XKR3: variants seen among roughly 807,000 people sequenced by gnomAD.
XKR3 encodes the protein XK related 3, also known as XK-related protein 3.
A neutral mutation model predicts 40.3 loss-of-function variants in XKR3; 27 were observed. The observed-to-expected ratio is 0.67, with a 90% CI of 0.49 to 0.92. The LOEUF (loss-of-function observed/expected upper bound fraction) is 0.92. Ranked by LOEUF, XKR3 falls within the 40% of genes least tolerant of loss-of-function variation. The pLI is 0.00. For missense variants in XKR3, 472 were observed against 537.6 expected (o/e 0.88, Z 1.21); for synonymous variants, 193 against 195.4 (o/e 0.99, Z 0.10).
At chr22:16,802,077 CT>C (rs1479009692) in intron 2 of XKR3, among the ~76,000 whole-genome samples, 1 of 152,156 alleles carries the variant, frequency 6.6e-6, no homozygotes, top group African/African-American at 2.4e-5. Context: ...TTGTACCTCT[CT>C]CTCACCACAT....
intron 1 of XKR3, among the ~76,000 whole-genome samples, chr22:16,811,933 C>T (rs1212994602): frequency 1.2e-4 from 18 of 152,040 alleles, no homozygotes; most frequent in Admixed American, 5.9e-4. Context: ...GGTGTGAACC[C>T]GGGAGGCAGA....
rs1284778875 is a variant in XKR3, at chr22:16,786,253, CGT to C, written c.590-1846_590-1845del. Among the ~76,000 whole-genome samples, 365 of 139,840 alleles carry C rather than the reference CGT, an allele frequency of 2.6e-3. 2 individuals are homozygous for C. The highest frequency in any genetic ancestry group is 9.4e-3 in the East Asian group (43 of 4,594). The allele number at this position is 139,840 out of a possible 152,430, so 91.7% of individuals were successfully genotyped here. Reference sequence around the variant, plus strand: ...GGTGAAAACCTGTATCTACAAAACGCGTGCACACACACACACACACAAATACA... The same window carrying C: ...GGTGAAAACCTGTATCTACAAAACGCGCACACACACACACACACAAATACA... On this transcript the variant is annotated intron_variant, in intron 3 of 3. Transcript: ENST00000684488.
intron 3 of XKR3, among the ~76,000 whole-genome samples, chr22:16,794,797 C>T (rs1199806823): frequency 6.6e-6 from 1 of 152,144 alleles, no homozygotes; most frequent in Non-Finnish European, 1.5e-5. Flanking sequence ...ATCTCACATC[C>T]AATGACACCT....
At position 16,799,774 on chromosome 22, in the gene XKR3, T is replaced by C; in HGVS notation, c.586A>G (p.Arg196Gly). 6.2e-7 allele frequency: 1 copy of C among 1,613,966 alleles called. No homozygotes were observed. Among genetic ancestry groups the C allele is most frequent in the Non-Finnish European group, 8.5e-7 (1 of 1,179,972 alleles). Reference sequence around the variant, plus strand: ...AGCATCAAGTAACTCAACTTACCTCTATTCAAAGGCCATTCTCGTATAGTG... The same window carrying C: ...AGCATCAAGTAACTCAACTTACCTCCATTCAAAGGCCATTCTCGTATAGTG... ...SLTIREWPLN[R>G]ALLMTFSLLS... Residue 196 changes from arginine (R) to glycine (G), a missense_variant, in exon 3 of 4, where the codon AGA becomes GGA. Transcript: ENST00000684488.
Position 16,789,385 on chromosome 22 carries a change from AC to A in XKR3, c.590-4977del, listed in dbSNP as rs1023661602. Among the ~76,000 whole-genome samples, 161 of 152,274 alleles carry A rather than the reference AC, an allele frequency of 1.1e-3. 1 individual carries two copies. Among genetic ancestry groups the A allele is most frequent in the African/African-American group, 3.5e-3 (144 of 41,558 alleles). ...TAATACGAAAATGTCTACAAAAAAAACCTCAAGAAAATAATCCCATTTACAA... is the reference window on the plus strand; with the variant it reads ...TAATACGAAAATGTCTACAAAAAAAACTCAAGAAAATAATCCCATTTACAA... On this transcript the variant is annotated intron_variant, in intron 3 of 3. Coordinates refer to ENST00000684488, the MANE Select transcript of XKR3 (RefSeq NM_001386955.1).
At chr22:16,814,883 C>A (rs1228654568) in intron 1 of XKR3, among the ~76,000 whole-genome samples, 1 of 151,446 alleles carries the variant, frequency 6.6e-6, no homozygotes, top group Non-Finnish European at 1.5e-5. Context: ...AAGATCATGT[C>A]ATCTGCAAAC....
chr22:16,800,827 A>T (rs139192955), intron 2 of XKR3, among the ~76,000 whole-genome samples: 24 of 152,308 alleles, frequency 1.6e-4, no homozygotes, highest in African/African-American at 5.3e-4. Flanking sequence ...CCAAACCAAA[A>T]AATATTTACT....
At chr22:16,813,932 TAG>T (rs1256734838) in intron 1 of XKR3, among the ~76,000 whole-genome samples, 2 of 152,212 alleles carry the variant, frequency 1.3e-5, no homozygotes, top group Admixed American at 6.5e-5. Context: ...ATTTTTCTGA[TAG>T]CTAATTATCA....
At chr22:16,820,550 G>A (rs1326101168) in intron 1 of XKR3, among the ~76,000 whole-genome samples, 10 of 152,118 alleles carry the variant, frequency 6.6e-5, no homozygotes, top group African/African-American at 2.4e-4. Flanking sequence ...TCTCACAAAG[G>A]TATTGTGGTC....
At chr22:16,813,845 T>G (rs1601850307) in intron 1 of XKR3, among the ~76,000 whole-genome samples, 2 of 152,322 alleles carry the variant, frequency 1.3e-5, no homozygotes, top group South Asian at 4.1e-4. Context: ...GTTATTTCTT[T>G]CTGATTACAC....
rs1392370482 is a variant in XKR3, at chr22:16,783,671, G to A, written c.1328C>T (p.Ser443Phe). The A allele has an allele frequency of 2.5e-6, 4 of 1,611,314 alleles. No individual in the cohort carries two copies. The South Asian group carries it at 3.3e-5, about 13-fold the overall frequency. ...KNKQLRNYCH[S>F]CNRVGYFSIR... Reference sequence around the variant, plus strand: ...TGAAAAATATCCAACCCTATTGCAGGAGTGACAGTAATTCCTCAGCTGCTT... The same window carrying A: ...TGAAAAATATCCAACCCTATTGCAGAAGTGACAGTAATTCCTCAGCTGCTT... Residue 443 changes from serine (S) to phenylalanine (F), a missense_variant, in exon 4 of 4, where the codon TCC becomes TTC. Physicochemically the swap from Ser to Phe is radical, Grantham distance 155. Coordinates refer to ENST00000684488, the MANE Select transcript of XKR3 (RefSeq NM_001386955.1).
chr22:16,811,603 A>T (rs1318320929), intron 1 of XKR3, among the ~76,000 whole-genome samples: 2 of 152,370 alleles, frequency 1.3e-5, no homozygotes, highest in East Asian at 3.9e-4. Flanking sequence ...TATGTATAAC[A>T]TGAACTAAAA....
chr22:16,801,319 G>A (rs1208034317), intron 2 of XKR3, among the ~76,000 whole-genome samples: 32 of 152,244 alleles, frequency 2.1e-4, no homozygotes, highest in East Asian at 1.9e-4. Flanking sequence ...AAGAAGGGGC[G>A]GATCCCTTGA....
intron 2 of XKR3, 82 bp downstream of exon 2, chr22:16,807,657 G>T: frequency 8.2e-7 from 1 of 1,217,988 alleles, no homozygotes; most frequent in Non-Finnish European, 1.1e-6. Flanking sequence ...GATAATTATG[G>T]CATCCTTAAT....
intron 1 of XKR3, among the ~76,000 whole-genome samples, chr22:16,820,758 T>C (rs888423602): frequency 5.9e-5 from 9 of 152,144 alleles, no homozygotes; most frequent in Admixed American, 4.6e-4. Flanking sequence ...AATCAGGAAA[T>C]AATTGTGATG....
intron 2 of XKR3, among the ~76,000 whole-genome samples, chr22:16,800,395 G>C (rs1490926188): frequency 2.0e-5 from 3 of 152,122 alleles, no homozygotes; most frequent in African/African-American, 4.8e-5. Flanking sequence ...ACATACAAAA[G>C]CTATTTCTCC....
chr22:16,814,492 C>T (rs1434475532), intron 1 of XKR3, among the ~76,000 whole-genome samples: 1 of 152,038 alleles, frequency 6.6e-6, no homozygotes, highest in Non-Finnish European at 1.5e-5. Flanking sequence ...AGTAGAATTG[C>T]CATAGCTATT....
At chr22:16,811,223 A>T (rs1301923303) in intron 1 of XKR3, among the ~76,000 whole-genome samples, 1 of 150,704 alleles carries the variant, frequency 6.6e-6, no homozygotes, top group Non-Finnish European at 1.5e-5. Flanking sequence ...TCTTGGGTTC[A>T]GGCGATTTCC....
chr22:16,799,400 T>C (rs1181747447), intron 3 of XKR3, among the ~76,000 whole-genome samples: 2 of 37,524 alleles, frequency 5.3e-5, no homozygotes, highest in Non-Finnish European at 9.1e-5. Flanking sequence ...GGCGACAAAG[T>C]GAGACTATGT....
Sources: allele counts gnomAD v4.1 joint callset (sites outside exome capture counted in the v4.1 genomes callset), GRCh38; gene constraint gnomAD v4.1.1; transcripts MANE v1.5; gene names NCBI Gene and HGNC (gene_info 2026-07-23, HGNC 2026-07-21).